C5: variants seen among roughly 807,000 people sequenced by gnomAD.
The protein encoded by C5 is complement C5, also known as C3 and PZP-like alpha-2-macroglobulin domain-containing protein 4.
A neutral mutation model predicts 218.8 loss-of-function variants in C5; 140 were observed. The observed-to-expected ratio is 0.64, with a 90% confidence interval of 0.56 to 0.74. The LOEUF is 0.74. C5 is among the 30% of genes least tolerant of loss of function. The probability of loss-of-function intolerance (pLI) is 0.00; values close to 1 mark genes in which losing one functional copy is unlikely to be tolerated. For synonymous variants in C5, 614 were observed against 682.3 expected (o/e 0.90, Z 1.56); for missense variants, 1,700 against 1,969.6 (o/e 0.86, Z 2.59).
upstream of C5, among the ~76,000 whole-genome samples, chr9:121,051,497 T>C (rs925770265): frequency 2.6e-5 from 4 of 152,132 alleles, no homozygotes; most frequent in Non-Finnish European, 4.4e-5. Flanking sequence ...TTCTCTTTTT[T>C]AGTACTATTT....
the C5 span, among the ~76,000 whole-genome samples, chr9:121,070,925 A>T: frequency 1.3e-5 from 2 of 152,194 alleles, no homozygotes; most frequent in African/African-American, 2.4e-5. Context: ...GATGATGGAT[A>T]TGCTAATTAC....
intron 31 of C5, among the ~76,000 whole-genome samples, chr9:120,971,533 G>C (rs79840338): frequency 6.6e-6 from 1 of 152,118 alleles, no homozygotes; most frequent in Non-Finnish European, 1.5e-5. Context: ...CTGCCTCCCA[G>C]GTTCAAGTGA....
At position 121,017,373 on chromosome 9, in the gene C5, G is replaced by T. The variant is rs757584514; in HGVS notation, c.1855C>A (p.Pro619Thr). The stretch of plus-strand genomic sequence containing the variant: ...ATGCATTACTTAACTCTTTCCAAGG[G>T]CTTTTTGGCTCCTCTTTGGACTCCA... Reference protein sequence around the residue: ...VYGVQRGAKKPLERVFQFLEK... With the variant: ...VYGVQRGAKKTLERVFQFLEK... Residue 619 changes from proline to threonine, a missense_variant, in exon 14 of 41, where the codon CCC (proline) becomes ACC (threonine). By Grantham distance (38) the Pro-to-Thr change is conservative. Transcript: ENST00000223642. 5.0e-6 allele frequency: 8 copies of T among 1,613,600 alleles called. No individual in the cohort carries two copies. In the African/African-American group the frequency reaches 1.1e-4, roughly 22 times the overall value.
chr9:120,981,393 G>T (rs1225632756), intron 27 of C5, among the ~76,000 whole-genome samples: 8 of 152,176 alleles, frequency 5.3e-5, no homozygotes, highest in Non-Finnish European at 1.2e-4. Flanking sequence ...ATGTTGTTTG[G>T]AAGGATTTGG....
chr9:121,032,287 A>G, intron 5 of C5, 92 bp from the exon 6 acceptor site: 1 of 738,608 alleles, frequency 1.4e-6, no homozygotes, highest in Non-Finnish European at 2.4e-6. Flanking sequence ...TTAAAGAGGG[A>G]AGAATACACA....
Position 120,957,314 on chromosome 9 carries a change from T to C in C5, c.4733A>G (p.Lys1578Arg). ...TTTGTAGATATCCAGAAGGGTTGCC[T>C]TGTACTTGACAAAAACATTTTCTAC... The part of the protein sequence containing the change: ...ITVENVFVKY[K>R]ATLLDIYKTG... The change falls in exon 39 of 41, where the codon AAG becomes AGG. Residue 1578 changes from lysine (K) to arginine (R), a missense_variant. Lys to Arg is a conservative substitution (Grantham distance 26, BLOSUM62 2). Transcript: ENST00000223642. The C allele has an allele frequency of 6.2e-7, 1 of 1,612,730 alleles. No homozygotes were observed. The highest frequency in any genetic ancestry group is 8.5e-7 in the Non-Finnish European group (1 of 1,178,976).
chr9:121,032,229 C>A, intron 5 of C5, 34 bp from the exon 6 acceptor site: 1 of 1,290,526 alleles, frequency 7.7e-7, no homozygotes. Context: ...TTATAGATGT[C>A]ATCAAATGTT....
At chr9:121,053,014 G>C (rs987188144), upstream of C5, among the ~76,000 whole-genome samples, 20 of 152,104 alleles carry the variant, frequency 1.3e-4, 1 homozygote, top group African/African-American at 3.6e-4. Flanking sequence ...GTTTGTTATT[G>C]TTTTCAGAAA....
intron 1 of C5, among the ~76,000 whole-genome samples, chr9:121,047,287 T>G (rs2047635866): frequency 1.3e-5 from 2 of 152,218 alleles, no homozygotes; most frequent in Non-Finnish European, 2.9e-5. Flanking sequence ...TGTGTACAGT[T>G]GAGGTCAAGT....
rs569346643 is a variant in C5, at chr9:121,013,886, T to C, written c.2244A>G (p.Gln748=). The change falls in exon 17 of 41, where the codon CAA becomes CAG. Residue 748 remains glutamine, a synonymous_variant. Coordinates refer to ENST00000223642, the MANE Select transcript of C5 (RefSeq NM_001735.3). ...TGTCATACTTACGTAGCCTTCCCAATTGCATGTCTTTATGAGAGATATTAG... is the reference window on the plus strand; with the variant it reads ...TGTCATACTTACGTAGCCTTCCCAACTGCATGTCTTTATGAGAGATATTAG... ...LRANISHKDM[Q]LGRLHMKTLL... is the part of the protein sequence containing the mutation. The C allele has an allele frequency of 3.1e-6, 5 of 1,614,010 alleles. No individual in the cohort carries two copies. The East Asian group carries it at 6.7e-5, about 22-fold the overall frequency.
At chr9:121,037,149 A>C (rs2047533420) in intron 4 of C5, among the ~76,000 whole-genome samples, 1 of 152,122 alleles carries the variant, frequency 6.6e-6, no homozygotes, top group Non-Finnish European at 1.5e-5. Context: ...TATAATAGTT[A>C]TTAAACTCTA....
At position 120,972,127 on chromosome 9, in the gene C5, A is replaced by G. The variant is rs1005495426; in HGVS notation, c.4018-135T>C. 4.1e-5 allele frequency: 30 copies of G among 728,316 alleles called. 1 individual carries two copies. In the African/African-American group the frequency reaches 4.2e-4, roughly 10 times the overall value. 45.1% of individuals were successfully genotyped at this position (728,316 alleles called of 1,614,324 possible). The stretch of plus-strand genomic sequence containing the variant: ...TCTTCTGAGAGTAACTGGATGAGAC[A>G]CTGAAAATCCTATGCCCATGGCAGG... On this transcript the variant is annotated intron_variant, in intron 30 of 40. Transcript: ENST00000223642.
At chr9:121,071,961 A>T in the C5 span, among the ~76,000 whole-genome samples, 1 of 152,218 alleles carries the variant, frequency 6.6e-6, no homozygotes, top group African/African-American at 2.4e-5. Context: ...AGATAAAGAA[A>T]AATAGTGTGG....
intron 38 of C5, among the ~76,000 whole-genome samples, chr9:120,958,760 TGAG>T (rs1258170333): frequency 1.3e-5 from 2 of 152,182 alleles, no homozygotes; most frequent in Non-Finnish European, 2.9e-5. Context: ...TTAATCTCCC[TGAG>T]CCTCAGTTTC....
intron 20 of C5, among the ~76,000 whole-genome samples, chr9:121,003,162 A>G (rs997019874): frequency 2.0e-5 from 3 of 152,094 alleles, no homozygotes; most frequent in Admixed American, 6.6e-5. Flanking sequence ...GAGCTGGCAC[A>G]TGCTTGTAAT....
intron 30 of C5, 99 bp from the exon 31 acceptor site, chr9:120,972,091 T>A: frequency 1.1e-6 from 1 of 897,300 alleles, no homozygotes; most frequent in East Asian, 2.5e-5. Flanking sequence ...ACCAGCCTCC[T>A]CTCTCAGAGC....
Position 121,017,741 on chromosome 9 carries a change from G to C in C5, c.1618C>G (p.Leu540Val), listed in dbSNP as rs1355329770. The C allele has an allele frequency of 1.2e-6, 2 of 1,612,088 alleles. No individual in the cohort carries two copies. Among genetic ancestry groups the C allele is most frequent in the Admixed American group, 3.3e-5 (2 of 60,022 alleles). ...CCTGTGACGATGTAATAGACCAGAA[G>C]TCGGGATGAAGGAACCATGTTCTGT... is the stretch of plus-strand genomic sequence containing the variant. ...VTQNMVPSSR[L>V]LVYYIVTGEQ... is the part of the protein sequence containing the mutation. The change falls in exon 13 of 41, where the codon CTT becomes GTT. Residue 540 changes from leucine to valine, a missense_variant. Coordinates refer to ENST00000223642, the MANE Select transcript of C5 (RefSeq NM_001735.3).
intron 17 of C5, 89 bp from the exon 18 acceptor site, chr9:121,008,587 T>G: frequency 1.1e-6 from 1 of 938,980 alleles, no homozygotes; most frequent in Admixed American, 1.8e-5. Flanking sequence ...AATCTGTAAC[T>G]TAAGCATTTT....
At chr9:121,020,236 A>T (rs1038913930) in intron 11 of C5, 57 bp from the exon 12 acceptor site, 1 of 1,213,934 alleles carries the variant, frequency 8.2e-7, no homozygotes. Flanking sequence ...TTTCTGTAAA[A>T]CATACCTTTC....
Sources: allele counts gnomAD v4.1 joint callset (sites outside exome capture counted in the v4.1 genomes callset), GRCh38; gene constraint gnomAD v4.1.1; transcripts MANE v1.5; gene names NCBI Gene and HGNC (gene_info 2026-07-23, HGNC 2026-07-21).